Variants in STAT3 observed in about 807,000 individuals in gnomAD.
STAT3 encodes DNA-binding protein APRF.
STAT3 carries 7 observed loss-of-function variants against 114.3 expected under a neutral mutation model. The ratio of observed to expected loss-of-function variants is 0.06; its 90% confidence interval spans 0.03 to 0.11. The LOEUF (loss-of-function observed/expected upper bound fraction) is 0.11, where lower values mean the gene tolerates loss of function less well. Ranked by LOEUF, STAT3 falls within the 10% of genes least tolerant of loss-of-function variation. The pLI is 1.00. For missense variants in STAT3, 364 were observed against 960.9 expected, an observed-to-expected ratio of 0.38 and a Z score of 8.21; for synonymous variants, 331 against 354.5, an observed-to-expected ratio of 0.93 and a Z score of 0.74.
chr17:42,353,358 A>AAG (rs1481139022), intron 1 of STAT3, among the ~76,000 whole-genome samples: 50 of 147,152 alleles, frequency 3.4e-4, no homozygotes, highest in African/African-American at 1.2e-3. Flanking sequence ...AAAAAAAAAA[A>AAG]AAAGAAAGAA....
At chr17:42,348,316 G>A in intron 2 of STAT3, 73 bp downstream of exon 2, 1 of 1,592,656 alleles carries the variant, frequency 6.3e-7, no homozygotes, top group Non-Finnish European at 8.6e-7. Flanking sequence ...AGCAAGGCAT[G>A]ACATTAAGAG....
chr17:42,345,707 T>A (rs1192194095), intron 3 of STAT3, 50 bp from the exon 4 acceptor site: 1 of 1,493,932 alleles, frequency 6.7e-7, no homozygotes, highest in Non-Finnish European at 9.2e-7. Context: ...ACCATGGAGA[T>A]GTGGACTGAA....
chr17:42,356,539 AT>A (rs67178732), intron 1 of STAT3, among the ~76,000 whole-genome samples: 14,448 of 142,732 alleles, frequency 0.1, 724 homozygotes, highest in South Asian at 0.12. Context: ...ATATATATAT[AT>A]TTTTTTTTTT....
At position 42,337,390 on chromosome 17, in the gene STAT3, A is replaced by G; in HGVS notation, c.797+45T>C. On this transcript the variant is annotated intron_variant, in intron 8 of 23. Transcript: ENST00000264657. This position sits in a 1 kb window ranked among gnomAD's most constrained non-coding sequence, Gnocchi z 4.0. ...GGCCTGCAGTTAAGATCAGAATTCA[A>G]TCTAGCTTTCGAGAAAGAAAGGAAA... 1 of 1,610,430 alleles carries G rather than the reference A, an allele frequency of 6.2e-7. No individual in the cohort carries two copies. Among genetic ancestry groups the G allele is most frequent in the Non-Finnish European group, 8.5e-7 (1 of 1,177,268 alleles).
Position 42,315,729 on chromosome 17 carries a change from T to G in STAT3, c.*16A>C. ...CGCCTCAGTCGTATCTTTCTGCAGC[T>G]TCCGTTCTCAGCTCCTCACATGGGG... is the stretch of plus-strand genomic sequence containing the variant. On this transcript the variant is annotated 3_prime_UTR_variant, in exon 24 of 24. Coordinates refer to ENST00000264657, the MANE Select transcript of STAT3 (RefSeq NM_139276.3). 1 of 1,613,694 alleles carries G rather than the reference T, an allele frequency of 6.2e-7. No individual in the cohort carries two copies. Among genetic ancestry groups the G allele is most frequent in the Non-Finnish European group, 8.5e-7 (1 of 1,179,642 alleles).
intron 15 of STAT3, 158 bp from the exon 16 acceptor site, chr17:42,325,219 T>G: frequency 7.5e-6 from 5 of 664,884 alleles, no homozygotes; most frequent in Non-Finnish European, 1.3e-5. Context: ...GTCAGCTCAG[T>G]GAGCACTCAT....
chr17:42,366,074 C>G (rs2083772516), intron 1 of STAT3, among the ~76,000 whole-genome samples: 1 of 152,162 alleles, frequency 6.6e-6, no homozygotes, highest in Admixed American at 6.6e-5. Flanking sequence ...ATGTCTCTAG[C>G]CCCATCCGCT....
intron 2 of STAT3, among the ~76,000 whole-genome samples, chr17:42,347,184 C>CAA (rs754388828): frequency 0.3 from 22,340 of 75,278 alleles, 2,351 homozygotes; most frequent in Middle Eastern, 0.32. Context: ...GACTCCATCT[C>CAA]AAAAAAAAAA....
At chr17:42,385,444 G>T (rs2085045776) in intron 1 of STAT3, among the ~76,000 whole-genome samples, 1 of 150,926 alleles carries the variant, frequency 6.6e-6, no homozygotes, top group Non-Finnish European at 1.5e-5. Flanking sequence ...GGGAGGAGGA[G>T]GTTGCAGTGA....
At chr17:42,343,141 C>T (rs2082519529) in intron 4 of STAT3, among the ~76,000 whole-genome samples, 2 of 144,408 alleles carry the variant, frequency 1.4e-5, no homozygotes. Flanking sequence ...CACTGCACTC[C>T]AGCCTGGGTG....
intron 14 of STAT3, among the ~76,000 whole-genome samples, chr17:42,326,855 C>A (rs1227839448): frequency 6.6e-6 from 1 of 152,090 alleles, no homozygotes; most frequent in Non-Finnish European, 1.5e-5. Context: ...GAGAAGGACA[C>A]TTTTCCTCAG....
chr17:42,342,989 A>G (rs1284921574), intron 4 of STAT3, among the ~76,000 whole-genome samples: 9 of 146,880 alleles, frequency 6.1e-5, no homozygotes, highest in Non-Finnish European at 1.2e-4. Context: ...ACATGGCAAG[A>G]GCCCATCTCT....
chr17:42,332,610 G>A (rs1320441111), intron 10 of STAT3, among the ~76,000 whole-genome samples: 2 of 150,964 alleles, frequency 1.3e-5, no homozygotes, highest in African/African-American at 2.4e-5. Flanking sequence ...TTGGAGGCCG[G>A]GGTGGGTGGA....
At chr17:42,348,632 T>C in intron 1 of STAT3, 93 bp from the exon 2 acceptor site, 1 of 1,439,738 alleles carries the variant, frequency 6.9e-7, no homozygotes, top group Non-Finnish European at 9.6e-7. Flanking sequence ...GTCAGGTCTG[T>C]GACTAGGGAT....
At chr17:42,380,578 G>C (rs943755157) in intron 1 of STAT3, among the ~76,000 whole-genome samples, 1 of 149,394 alleles carries the variant, frequency 6.7e-6, no homozygotes, top group East Asian at 2.0e-4. Context: ...AGAGACGGGG[G>C]GGGTCTCACT....
chr17:42,371,172 G>A (rs1381179606), intron 1 of STAT3, among the ~76,000 whole-genome samples: 2 of 152,084 alleles, frequency 1.3e-5, no homozygotes, highest in Non-Finnish European at 2.9e-5. Flanking sequence ...TATTTAGATG[G>A]GGAAGTCAGA....
intron 20 of STAT3, 25 bp downstream of exon 20, chr17:42,322,979 T>C: frequency 1.2e-6 from 2 of 1,612,826 alleles, no homozygotes; most frequent in Non-Finnish European, 1.7e-6. Context: ...CACCAGCAGG[T>C]GGGGTGGGTG....
At chr17:42,365,652 GT>G (rs758091970) in intron 1 of STAT3, among the ~76,000 whole-genome samples, 1 of 116,916 alleles carries the variant, frequency 8.6e-6, no homozygotes, top group Non-Finnish European at 1.9e-5. Flanking sequence ...TTTTTTTTTT[GT>G]TTTTTTTTGT....
intron 20 of STAT3, 74 bp from the exon 21 acceptor site, chr17:42,322,568 T>A: frequency 6.4e-7 from 1 of 1,551,296 alleles, no homozygotes; most frequent in African/African-American, 1.4e-5. Flanking sequence ...GCCCATTTTT[T>A]CTTTCCTCGA....
Sources: allele counts gnomAD v4.1 joint callset (sites outside exome capture counted in the v4.1 genomes callset), GRCh38; gene constraint gnomAD v4.1.1; non-coding constraint Gnocchi (gnomAD v3.1); transcripts MANE v1.5; gene names NCBI Gene and HGNC (gene_info 2026-07-23, HGNC 2026-07-21).